USP19: variants seen among roughly 807,000 people sequenced by gnomAD.
USP19 encodes ubiquitin carboxyl-terminal hydrolase 19.
Under a neutral mutation model 144.8 loss-of-function variants are expected in USP19, and 40 were observed. The observed-to-expected ratio is 0.28, with a 90% CI of 0.21 to 0.36. The LOEUF (loss-of-function observed/expected upper bound fraction) is 0.36, where lower values mean the gene tolerates loss of function less well. USP19 is among the 10% of genes least tolerant of loss of function. The pLI, the probability that USP19 is intolerant of heterozygous loss-of-function variation, is 1.00. For synonymous variants in USP19, 701 were observed against 709.3 expected (o/e 0.99, Z 0.19); for missense variants, 1,518 against 1,822.5 (o/e 0.83, Z 3.04).
At position 49,115,323 on chromosome 3, in the gene USP19, G is replaced by A. The variant is rs2043898601; in HGVS notation, c.1927C>T (p.Leu643=). ...ATGGCCAGACGCCCACCAGTCCCTAGTGGGTTGTTGTAGTTGATCTCAGCC... is the reference window on the plus strand; with the variant it reads ...ATGGCCAGACGCCCACCAGTCCCTAATGGGTTGTTGTAGTTGATCTCAGCC... ...FEAEINYNNP[L]GTGGRLAIGF... The change falls in exon 13 of 27, where the codon CTA becomes TTA. Residue 643 remains leucine, a synonymous_variant. Coordinates refer to ENST00000417901, the MANE Select transcript of USP19 (RefSeq NM_001199161.2). The surrounding 1 kb of genome is among the most constrained non-coding windows in gnomAD (Gnocchi z 6.6). The A allele has an allele frequency of 6.2e-7, 1 of 1,614,204 alleles. No individual in the cohort carries two copies. Among genetic ancestry groups the A allele is most frequent in the African/African-American group, 1.3e-5 (1 of 75,066 alleles).
rs1363323533 is a variant in USP19, at chr3:49,111,499, C to T, written c.3217+1G>A. 1 of 1,611,440 alleles carries T rather than the reference C, an allele frequency of 6.2e-7. No individual in the cohort carries two copies. On this transcript the variant is annotated splice_donor_variant, in intron 21 of 26. Coordinates refer to ENST00000417901, the MANE Select transcript of USP19 (RefSeq NM_001199161.2). LOFTEE classifies it high-confidence loss of function. This position sits in a 1 kb window ranked among gnomAD's most constrained non-coding sequence, Gnocchi z 5.9. ...TTCTAGAGCCTTTCACTGGATCTTA[C>T]CTTCGGGTCGGGACACCCTCTCGCC...
chr3:49,117,167 G>T lies in USP19; in HGVS notation c.801C>A (p.Ser267Arg). Residue 267 changes from serine (S) to arginine (R), a missense_variant, in exon 6 of 27, where the codon AGC becomes AGA. Ser to Arg is a moderately radical substitution (Grantham distance 110). Around this residue, in one of 5 missense-constraint regions of USP19, gnomAD observed 707 missense variants for 728.9 expected, o/e 0.97. Coordinates refer to ENST00000417901, the MANE Select transcript of USP19 (RefSeq NM_001199161.2). The surrounding 1 kb of genome is among the most constrained non-coding windows in gnomAD (Gnocchi z 4.4). Reference sequence around the variant, plus strand: ...TGCAGAGATGCACAGCCCTCTTGGCGCTGGGCCCTGCCTGGGCCCCGGGGC... The same window carrying T: ...TGCAGAGATGCACAGCCCTCTTGGCTCTGGGCCCTGCCTGGGCCCCGGGGC... ...GAGPGAQAGP[S>R]AKRAVHLCRG... 6.5e-7 allele frequency: 1 copy of T among 1,548,246 alleles called. No individual in the cohort carries two copies.
chr3:49,118,215 C>A, intron 2 of USP19, 95 bp from the exon 3 acceptor site: 1 of 561,070 alleles, frequency 1.8e-6, no homozygotes, highest in Non-Finnish European at 3.2e-6. Context: ...CAGTAAGCTA[C>A]GATCACACCT....
chr3:49,117,556 C>G lies in USP19; in HGVS notation c.487G>C (p.Gly163Arg), dbSNP rs1207423444. The stretch of plus-strand genomic sequence containing the variant: ...TTTATCTCAGCATAGAAGACACCAC[C>G]CCACTGCTGACCACCTGGGGACAGA... ...VVRFAGGQQWGGVFYAEIKSS... is the reference protein window; with the variant it reads ...VVRFAGGQQWRGVFYAEIKSS... The change falls in exon 5 of 27, where the codon GGT becomes CGT. Residue 163 changes from glycine to arginine, a missense_variant. Coordinates refer to ENST00000417901, the MANE Select transcript of USP19 (RefSeq NM_001199161.2). This position sits in a 1 kb window ranked among gnomAD's most constrained non-coding sequence, Gnocchi z 4.4. 1 of 1,614,118 alleles carries G rather than the reference C, an allele frequency of 6.2e-7. No individual in the cohort carries two copies.
Position 49,111,159 on chromosome 3 carries a change from G to A in USP19, c.3336C>T (p.Thr1112=). The A allele has an allele frequency of 5.0e-6, 8 of 1,613,840 alleles. No homozygotes were observed. The highest frequency in any genetic ancestry group is 6.8e-6 in the Non-Finnish European group (8 of 1,180,030). The part of the protein sequence containing the change: ...REQRLEDKGD[T]PLELGDDCSL... ...TACAGTCGTCACCCAGCTCCAGTGG[G>A]GTGTCTCCTGGAGATTCGCAGGGAG... is the stretch of plus-strand genomic sequence containing the variant. The change falls in exon 23 of 27, where the codon ACC becomes ACT. Residue 1112 remains threonine (T), a synonymous_variant. Coordinates refer to ENST00000417901, the MANE Select transcript of USP19 (RefSeq NM_001199161.2). This position sits in a 1 kb window ranked among gnomAD's most constrained non-coding sequence, Gnocchi z 5.9.
Position 49,110,578 on chromosome 3 carries a change from A to G in USP19, c.3725T>C (p.Ile1242Thr), listed in dbSNP as rs757524673. The change falls in exon 25 of 27, where the codon ATT becomes ACT. Residue 1242 changes from isoleucine to threonine, a missense_variant. Coordinates refer to ENST00000417901, the MANE Select transcript of USP19 (RefSeq NM_001199161.2). This position sits in a 1 kb window ranked among gnomAD's most constrained non-coding sequence, Gnocchi z 6.1. ...GGGCAGCTGCTCCTCTTTCTGACCA[A>G]TGCAGAACTTGCTCAGGTCCAGGTT... is the stretch of plus-strand genomic sequence containing the variant. Reference protein sequence around the residue: ...VRNLDLSKFCIGQKEEQLPSY... With the variant: ...VRNLDLSKFCTGQKEEQLPSY... The G allele has an allele frequency of 1.2e-6, 2 of 1,614,000 alleles. No homozygotes were observed. The highest frequency in any genetic ancestry group is 2.7e-5 in the African/African-American group (2 of 75,026).
At position 49,110,936 on chromosome 3, in the gene USP19, T is replaced by C; in HGVS notation, c.3545+14A>G. 6.2e-7 allele frequency: 1 copy of C among 1,613,966 alleles called. No homozygotes were observed. The highest frequency in any genetic ancestry group is 8.5e-7 in the Non-Finnish European group (1 of 1,179,926). ...CCATCCTGCCCCCTTATCTACTTGC[T>C]GCTCTGTTCTCACCAGGCCTCCTCG... On this transcript the variant is annotated intron_variant, in intron 23 of 26. Transcript: ENST00000417901. This position sits in a 1 kb window ranked among gnomAD's most constrained non-coding sequence, Gnocchi z 6.1.
At position 49,115,471 on chromosome 3, in the gene USP19, T is replaced by C; in HGVS notation, c.1861A>G (p.Thr621Ala). The C allele has an allele frequency of 6.2e-7, 1 of 1,613,988 alleles. No individual in the cohort carries two copies. Among genetic ancestry groups the C allele is most frequent in the Non-Finnish European group, 8.5e-7 (1 of 1,179,972 alleles). Residue 621 changes from threonine (T) to alanine (A), a missense_variant, in exon 12 of 27, where the codon ACT becomes GCT. Transcript: ENST00000417901. The surrounding 1 kb of genome is among the most constrained non-coding windows in gnomAD (Gnocchi z 6.6). ...MNSVIQSLSNTRELRDFFHDR... is the reference protein window; with the variant it reads ...MNSVIQSLSNARELRDFFHDR... ...TGGAAGAAGTCCCGGAGTTCCCGAG[T>C]GTTGGACAGAGACTGAATGACGCTG...
rs1323999822 is a variant in USP19 at position 49,110,752 on chromosome 3, G to A, written c.3657C>T (p.Ile1219=). The change falls in exon 24 of 27, where the codon ATC becomes ATT. Residue 1219 remains isoleucine (I), a synonymous_variant. Coordinates refer to ENST00000417901, the MANE Select transcript of USP19 (RefSeq NM_001199161.2). This position sits in a 1 kb window ranked among gnomAD's most constrained non-coding sequence, Gnocchi z 6.1. ...QLKRFSFRSF[I]WRDKINDLVE... is the part of the protein sequence containing the mutation. ...CCAAGTCATTGATCTTGTCACGCCA[G>A]ATAAAACTACGAAAGGAGAAGCGCT... is the stretch of plus-strand genomic sequence containing the variant. 14 of 1,614,194 alleles carry A rather than the reference G, an allele frequency of 8.7e-6. No homozygotes were observed. In the Middle Eastern group the frequency reaches 6.6e-4, roughly 76 times the overall value.
intron 2 of USP19, among the ~76,000 whole-genome samples, chr3:49,118,425 G>A (rs1482548872): frequency 6.6e-6 from 1 of 151,998 alleles, no homozygotes; most frequent in Admixed American, 6.6e-5. Flanking sequence ...AAAATTAGCT[G>A]AGTGTGGTGG....
rs766494828 is a variant in USP19, at chr3:49,115,834, C to T, written c.1582G>A (p.Val528Met). The T allele has an allele frequency of 3.7e-6, 6 of 1,613,414 alleles. No homozygotes were observed. The highest frequency in any genetic ancestry group is 5.1e-6 in the Non-Finnish European group (6 of 1,179,600). The change falls in exon 11 of 27, where the codon GTG (valine) becomes ATG (methionine). Residue 528 changes from valine (V) to methionine (M), a missense_variant. Transcript: ENST00000417901. This position sits in a 1 kb window ranked among gnomAD's most constrained non-coding sequence, Gnocchi z 6.6. ...PLTGQEEARA[V>M]EKDKSKARSE... ...CGTGCCTTGGATTTATCCTTCTCCACAGCCCGGGCCTCCTCCTGGCCTGTC... is the reference window on the plus strand; with the variant it reads ...CGTGCCTTGGATTTATCCTTCTCCATAGCCCGGGCCTCCTCCTGGCCTGTC...
chr3:49,118,255 G>C, intron 2 of USP19, 135 bp from the exon 3 acceptor site: 1 of 347,310 alleles, frequency 2.9e-6, no homozygotes. Flanking sequence ...GCAAGAGTGA[G>C]ACCCTGCCTT....
Position 49,116,700 on chromosome 3 carries a change from G to A in USP19, c.1126+27C>T. The A allele has an allele frequency of 6.2e-7, 1 of 1,607,276 alleles. No homozygotes were observed. On this transcript the variant is annotated intron_variant, in intron 7 of 26. Transcript: ENST00000417901. The surrounding 1 kb of genome is among the most constrained non-coding windows in gnomAD (Gnocchi z 5.0). The stretch of plus-strand genomic sequence containing the variant: ...TACAAACTTTGCAACCCAACCTAGG[G>A]CTCTGCCTGCCCACCCCCACCTTTA...
rs2043302296 is a variant in USP19 at position 49,112,343 on chromosome 3, C to T, written c.2706G>A (p.Gln902=). 8 of 1,614,058 alleles carry T rather than the reference C, an allele frequency of 5.0e-6. No individual in the cohort carries two copies. The highest frequency in any genetic ancestry group is 1.1e-5 in the South Asian group (1 of 91,082). Residue 902 remains glutamine (Q), a synonymous_variant, in exon 19 of 27, where the codon CAG becomes CAA. Coordinates refer to ENST00000417901, the MANE Select transcript of USP19 (RefSeq NM_001199161.2). This position sits in a 1 kb window ranked among gnomAD's most constrained non-coding sequence, Gnocchi z 4.9. ...SKCAACQRKQ[Q]SEDEKLKRCT... ...AGCGCTTCAGCTTTTCATCCTCCGACTGTTGCTTCCGCTGGCAGGCTGCAC... is the reference window on the plus strand; with the variant it reads ...AGCGCTTCAGCTTTTCATCCTCCGATTGTTGCTTCCGCTGGCAGGCTGCAC...
rs770318946 is a variant in USP19 at position 49,119,025 on chromosome 3, T to G, written c.121A>C (p.Lys41Gln). ...NQESKDGDPRKETGSRYVAQA... is the reference protein window; with the variant it reads ...NQESKDGDPRQETGSRYVAQA... The stretch of plus-strand genomic sequence containing the variant: ...ACTCTGGGAATGCCACTCCCACCTT[T>G]CCTAGGATCTCCATCCTTGCTCTCC... Residue 41 changes from lysine to glutamine, a missense_variant, in exon 2 of 27, where the codon AAA becomes CAA. Lys to Gln is a moderately conservative substitution (Grantham distance 53). Transcript: ENST00000417901. 13 of 1,613,794 alleles carry G rather than the reference T, an allele frequency of 8.1e-6. No homozygotes were observed. The Middle Eastern group carries it at 4.9e-4, about 61-fold the overall frequency.
Position 49,111,806 on chromosome 3 carries a change from C to T in USP19, c.2911G>A (p.Val971Met), listed in dbSNP as rs2043191918. 1 of 1,567,010 alleles carries T rather than the reference C, an allele frequency of 6.4e-7. No homozygotes were observed. Among genetic ancestry groups the T allele is most frequent in the South Asian group, 1.2e-5 (1 of 83,228 alleles). ...QLLEGYARYS[V>M]SVFQPPFQPG... The stretch of plus-strand genomic sequence containing the variant: ...TGAAAGGGTGGCTGGAATACACTCA[C>T]AGAGTACCTGGCAACAGAGAACAAC... Residue 971 changes from valine (V) to methionine (M), a missense_variant, in exon 21 of 27, where the codon GTG becomes ATG. Physicochemically the swap from Val to Met is conservative, Grantham distance 21. Coordinates refer to ENST00000417901, the MANE Select transcript of USP19 (RefSeq NM_001199161.2). This position sits in a 1 kb window ranked among gnomAD's most constrained non-coding sequence, Gnocchi z 5.9.
chr3:49,112,664 A>G lies in USP19; in HGVS notation c.2506-35T>C, dbSNP rs762530238. 97 of 1,594,134 alleles carry G rather than the reference A, an allele frequency of 6.1e-5. No homozygotes were observed. Among genetic ancestry groups the G allele is most frequent in the Non-Finnish European group, 7.4e-5 (86 of 1,166,988 alleles). On this transcript the variant is annotated intron_variant, in intron 17 of 26. Coordinates refer to ENST00000417901, the MANE Select transcript of USP19 (RefSeq NM_001199161.2). This position sits in a 1 kb window ranked among gnomAD's most constrained non-coding sequence, Gnocchi z 4.9. Reference sequence around the variant, plus strand: ...GAGAACACACAGATCCCACGTGAGGATAAGCCCTTTCCCTAGCCCTGCCCC... The same window carrying G: ...GAGAACACACAGATCCCACGTGAGGGTAAGCCCTTTCCCTAGCCCTGCCCC...
chr3:49,112,704 C>CTTGG lies in USP19; in HGVS notation c.2506-79_2506-76dup. 1 of 1,547,872 alleles carries CTTGG rather than the reference C, an allele frequency of 6.5e-7. No individual in the cohort carries two copies. The highest frequency in any genetic ancestry group is 2.3e-5 in the East Asian group (1 of 43,990). On this transcript the variant is annotated intron_variant, in intron 17 of 26. Transcript: ENST00000417901. The surrounding 1 kb of genome is among the most constrained non-coding windows in gnomAD (Gnocchi z 4.9). ...AGCCCTGCCCCAGAGTTTAAGAAGG[C>CTTGG]TTGGCCCTGCCTTGGGTCTATGTGG... is the stretch of plus-strand genomic sequence containing the variant.
Position 49,112,765 on chromosome 3 carries a change from G to A in USP19, c.2506-136C>T. The A allele has an allele frequency of 1.6e-6, 2 of 1,240,118 alleles. No homozygotes were observed. The highest frequency in any genetic ancestry group is 2.2e-6 in the Non-Finnish European group (2 of 916,514). The allele number at this position is 1,240,118 out of a possible 1,614,324, so 76.8% of individuals were successfully genotyped here. A position where few individuals can be genotyped will look rare whatever the true frequency, so the allele number is the denominator to read the frequency against. On this transcript the variant is annotated intron_variant, in intron 17 of 26. Coordinates refer to ENST00000417901, the MANE Select transcript of USP19 (RefSeq NM_001199161.2). The surrounding 1 kb of genome is among the most constrained non-coding windows in gnomAD (Gnocchi z 4.9). ...GGTCTGTAGGCCCAAATAGGCTTAT[G>A]CCTCTGCTGGCACCTGTCTCAGTGC...
Sources: gnomAD v4.1 joint callset for allele counts (sites outside exome capture counted in the v4.1 genomes callset) on GRCh38, gnomAD v4.1.1 for gene constraint, gnomAD v4.1.1 regional missense constraint, Gnocchi (gnomAD v3.1) non-coding constraint, MANE v1.5 for transcripts, NCBI Gene and HGNC (gene_info 2026-07-23, HGNC 2026-07-21) for gene names.